Variants in COLQ observed in about 807,000 individuals in gnomAD.
COLQ encodes collagen like tail subunit of asymmetric acetylcholinesterase, also known as acetylcholinesterase collagenic tail peptide.
COLQ carries 48 observed loss-of-function variants against 69.0 expected under a neutral mutation model. The ratio of observed to expected loss-of-function variants is 0.70; its 90% CI spans 0.55 to 0.88. The LOEUF (loss-of-function observed/expected upper bound fraction) is 0.88, where lower values mean the gene tolerates loss of function less well. Among genes scored for constraint, COLQ ranks in the 40% least tolerant of loss-of-function variants. The pLI, the probability that COLQ is intolerant of heterozygous loss-of-function variation, is 0.00. For synonymous variants in COLQ, 217 were observed against 211.2 expected (o/e 1.03, Z -0.24); for missense variants, 618 against 594.6 (o/e 1.04, Z -0.41).
In COLQ at chr3:15,451,364, A is replaced by G. The variant is rs1161777203; in HGVS notation, c.*280T>C. ...GTCAGCAACATTCCAGAAGAGGAAG[A>G]GCATTGTAGCCGGTTGTTTGGCCAA... On this transcript the variant is annotated 3_prime_UTR_variant, in exon 17 of 17. Transcript: ENST00000383788. 1.2e-5 allele frequency: 7 copies of G among 596,004 alleles called. No homozygotes were observed. The Admixed American group carries it at 1.2e-4, about 11-fold the overall frequency. The allele number at this position is 596,004 out of a possible 1,614,324, so 36.9% of individuals were successfully genotyped here.
At chr3:15,494,942 C>T (rs1051659954) in intron 1 of COLQ, among the ~76,000 whole-genome samples, 1 of 152,208 alleles carries the variant, frequency 6.6e-6, no homozygotes, top group Non-Finnish European at 1.5e-5. Context: ...ATCCTCACAG[C>T]AACCCTAAGA....
chr3:15,478,888 G>A (rs1242775918), intron 5 of COLQ, 89 bp downstream of exon 5: 2 of 1,486,904 alleles, frequency 1.3e-6, no homozygotes, highest in Non-Finnish European at 1.9e-6. Context: ...CCACTGAAGT[G>A]CATTGCTGTT....
intron 1 of COLQ, among the ~76,000 whole-genome samples, chr3:15,505,481 A>G (rs1306737071): frequency 1.3e-5 from 2 of 152,246 alleles, no homozygotes; most frequent in East Asian, 3.8e-4. Flanking sequence ...CCTTATCTAA[A>G]GAAAGGCATC....
intron 3 of COLQ, among the ~76,000 whole-genome samples, chr3:15,485,936 T>C (rs2062565465): frequency 6.6e-6 from 1 of 152,136 alleles, no homozygotes; most frequent in Non-Finnish European, 1.5e-5. Flanking sequence ...CACTCTAACC[T>C]AGGTGGCACA....
intron 12 of COLQ, among the ~76,000 whole-genome samples, chr3:15,462,114 C>T (rs1005141843): frequency 2.0e-5 from 3 of 151,988 alleles, no homozygotes; most frequent in Admixed American, 6.6e-5. Flanking sequence ...CTGTAACCTC[C>T]GCCTCCCGGG....
chr3:15,461,763 G>GC (rs1399307365), intron 12 of COLQ, among the ~76,000 whole-genome samples: 17 of 152,170 alleles, frequency 1.1e-4, no homozygotes, highest in Non-Finnish European at 8.8e-5. Context: ...GACCAGGGGA[G>GC]TTTTAACCTG....
chr3:15,471,653 G>C (rs1047007312), intron 10 of COLQ, among the ~76,000 whole-genome samples: 10 of 152,198 alleles, frequency 6.6e-5, no homozygotes, highest in African/African-American at 2.4e-4. Context: ...GCAGTCAGAG[G>C]AGGTATAACA....
chr3:15,499,355 C>G (rs1166558889), intron 1 of COLQ, among the ~76,000 whole-genome samples: 2 of 152,158 alleles, frequency 1.3e-5, no homozygotes, highest in South Asian at 2.1e-4. Context: ...GCAATAAGCA[C>G]TGTTGTTTTG....
At chr3:15,511,911 G>C (rs2062991510) in intron 1 of COLQ, among the ~76,000 whole-genome samples, 1 of 152,210 alleles carries the variant, frequency 6.6e-6, no homozygotes, top group African/African-American at 2.4e-5. Flanking sequence ...TCATACGGGG[G>C]ACAAGTCCAA....
chr3:15,454,115 C>A (rs1416138731), intron 15 of COLQ, among the ~76,000 whole-genome samples, 184 bp from the exon 16 acceptor site: 1 of 152,174 alleles, frequency 6.6e-6, no homozygotes, highest in Non-Finnish European at 1.5e-5. Flanking sequence ...CAGCGATGTG[C>A]CATGGGACAA....
chr3:15,465,310 A>C (rs2062182259), intron 12 of COLQ, among the ~76,000 whole-genome samples: 1 of 147,178 alleles, frequency 6.8e-6, no homozygotes, highest in African/African-American at 2.6e-5. Flanking sequence ...TCTGTCACCC[A>C]GGCTGGAGTG....
intron 12 of COLQ, among the ~76,000 whole-genome samples, chr3:15,459,478 CTTT>C (rs769741069): frequency 1.2e-4 from 16 of 135,532 alleles, no homozygotes; most frequent in African/African-American, 2.5e-4. Context: ...ATAAGGCATC[CTTT>C]TTTTTTTTTT....
At position 15,466,370 on chromosome 3, in the gene COLQ, C is replaced by A; in HGVS notation, c.785G>T (p.Arg262Leu). The A allele has an allele frequency of 6.2e-7, 1 of 1,614,106 alleles. No homozygotes were observed. Among genetic ancestry groups the A allele is most frequent in the Non-Finnish European group, 8.5e-7 (1 of 1,180,004 alleles). The change falls in exon 12 of 17, where the codon CGT (arginine) becomes CTT (leucine). Residue 262 changes from arginine (R) to leucine (L), a missense_variant. Physicochemically the swap from Arg to Leu is moderately radical, Grantham distance 102 (BLOSUM62 -2). Transcript: ENST00000383788. ...AGGTGGGGGGCCTGGGGGCCCCGGA[C>A]GGCCAGGTTGACCAGAAGGCCCAGG... ...GKPGPSGQPG[R>L]PGPPGPPPAG...
At position 15,459,138 on chromosome 3, in the gene COLQ, C is replaced by T. The variant is rs190312833; in HGVS notation, c.815-813G>A. Among the ~76,000 whole-genome samples, 9 of 152,282 alleles carry T rather than the reference C, an allele frequency of 5.9e-5. No individual in the cohort carries two copies. In the East Asian group the frequency reaches 1.7e-3, roughly 29 times the overall value. On this transcript the variant is annotated intron_variant, in intron 12 of 16. Transcript: ENST00000383788. ...GGATTACAGGCGTGAGCCACCATACCCAGCCAATGTAGGATCTTTACAGAG... is the reference window on the plus strand; with the variant it reads ...GGATTACAGGCGTGAGCCACCATACTCAGCCAATGTAGGATCTTTACAGAG...
At chr3:15,456,161 C>A (rs1220148481) in intron 14 of COLQ, 142 bp from the exon 15 acceptor site, 5 of 1,066,216 alleles carry the variant, frequency 4.7e-6, no homozygotes, top group Non-Finnish European at 7.0e-6. Context: ...GTACTCCTTT[C>A]CTGTTGCCCA....
At chr3:15,494,176 T>C (rs1219437596) in intron 1 of COLQ, among the ~76,000 whole-genome samples, 1 of 152,142 alleles carries the variant, frequency 6.6e-6, no homozygotes, top group Admixed American at 6.5e-5. Flanking sequence ...TAGGCTTTAA[T>C]TGGAAAGTCG....
Position 15,455,938 on chromosome 3 carries a change from A to T in COLQ, c.1156T>A (p.Cys386Ser). Reference sequence around the variant, plus strand: ...CCCACATCGCTGTTACCGTCGTCACACTCCTCCCCAGGCTGCAGGAGCCCA... The same window carrying T: ...CCCACATCGCTGTTACCGTCGTCACTCTCCTCCCCAGGCTGCAGGAGCCCA... ...GDGLLQPGEE[C>S]DDGNSDVGDD... Residue 386 changes from cysteine to serine, a missense_variant, in exon 15 of 17, where the codon TGT becomes AGT. Physicochemically the swap from Cys to Ser is moderately radical, Grantham distance 112. Transcript: ENST00000383788. 1 of 1,613,288 alleles carries T rather than the reference A, an allele frequency of 6.2e-7. No individual in the cohort carries two copies. Among genetic ancestry groups the T allele is most frequent in the Middle Eastern group, 1.6e-4 (1 of 6,062 alleles).
intron 1 of COLQ, among the ~76,000 whole-genome samples, chr3:15,519,686 T>C (rs1488516114): frequency 6.6e-6 from 1 of 152,202 alleles, no homozygotes; most frequent in African/African-American, 2.4e-5. Context: ...GCTGTTGCCC[T>C]GATTGGTACA....
chr3:15,475,577 G>A (rs2062366284), intron 6 of COLQ, 90 bp from the exon 7 acceptor site: 2 of 1,243,692 alleles, frequency 1.6e-6, no homozygotes, highest in Non-Finnish European at 2.3e-6. Context: ...GAAGGAACTG[G>A]GGATATCAGG....
Sources: allele counts gnomAD v4.1 joint callset (sites outside exome capture counted in the v4.1 genomes callset), GRCh38; gene constraint gnomAD v4.1.1; transcripts MANE v1.5; gene names NCBI Gene and HGNC (gene_info 2026-07-23, HGNC 2026-07-21).